MAST4: variants seen among roughly 807,000 people sequenced by gnomAD.
MAST4 encodes the protein microtubule-associated serine/threonine-protein kinase 4.
Under a neutral mutation model 162.7 loss-of-function variants are expected in MAST4, and 89 were observed. The observed-to-expected ratio is 0.55, with a 90% CI of 0.46 to 0.65. The LOEUF (loss-of-function observed/expected upper bound fraction) is 0.65. Ranked by LOEUF, MAST4 falls within the 30% of genes least tolerant of loss-of-function variation. The pLI is 0.00. For missense variants in MAST4, 3,153 were observed against 3,374.0 expected (o/e 0.93, Z 1.62); for synonymous variants, 1,479 against 1,361.1 (o/e 1.09, Z -1.91).
intron 5 of MAST4, among the ~76,000 whole-genome samples, chr5:67,070,703 T>G (rs1428787354): frequency 6.6e-6 from 1 of 152,226 alleles, no homozygotes; most frequent in East Asian, 1.9e-4. Flanking sequence ...TAGGAATGAA[T>G]GCTGTTACCT....
rs59273615 is a variant in MAST4, at chr5:66,907,587, C to CGTGTGT, written c.674+7650_674+7655dup. On this transcript the variant is annotated intron_variant, in intron 4 of 28. Transcript: ENST00000403625. ...ATAATGAAATGGGCATAGGTTGATG[C>CGTGTGT]GTGTGTGTGTGTGTGTGTGTGTGTG... is the stretch of plus-strand genomic sequence containing the variant. 1.3e-3 allele frequency among the ~76,000 whole-genome samples: 186 copies of CGTGTGT among 144,222 alleles called. 1 individual carries two copies. The highest frequency in any genetic ancestry group is 6.4e-3 in the East Asian group (30 of 4,720). 94.6% of individuals were successfully genotyped at this position (144,222 alleles called of 152,430 possible).
intron 2 of MAST4, 63 bp from the exon 3 acceptor site, chr5:66,788,607 C>CAAACAAAAAA: frequency 7.3e-7 from 1 of 1,373,728 alleles, no homozygotes; most frequent in Non-Finnish European, 1.0e-6. Context: ...CCCCCACCCC[C>CAAACAAAAAA]ATTGCAATAA....
chr5:67,047,570 C>A (rs1258035706), intron 4 of MAST4, among the ~76,000 whole-genome samples: 1 of 152,218 alleles, frequency 6.6e-6, no homozygotes, highest in Non-Finnish European at 1.5e-5. Context: ...ATCGCTATCT[C>A]ATGTACCACA....
intron 1 of MAST4, among the ~76,000 whole-genome samples, chr5:66,739,756 C>A (rs1183448214): frequency 6.6e-6 from 1 of 151,830 alleles, no homozygotes; most frequent in Non-Finnish European, 1.5e-5. Context: ...TATGTTTTCC[C>A]ATGGCAAATG....
At chr5:67,078,399 G>A (rs1761938096) in intron 5 of MAST4, among the ~76,000 whole-genome samples, 1 of 149,876 alleles carries the variant, frequency 6.7e-6, no homozygotes. Flanking sequence ...TACAAACTCT[G>A]GGTAGTTTGT....
intron 23 of MAST4, among the ~76,000 whole-genome samples, chr5:67,147,386 T>C (rs1283229692): frequency 6.6e-6 from 1 of 152,184 alleles, no homozygotes; most frequent in Non-Finnish European, 1.5e-5. Flanking sequence ...TTATCTACCA[T>C]TGGCAGAAAA....
chr5:67,160,652 C>T, intron 27 of MAST4, 60 bp downstream of exon 27: 1 of 1,539,374 alleles, frequency 6.5e-7, no homozygotes, highest in Non-Finnish European at 8.8e-7. Flanking sequence ...GAAAAGTTAC[C>T]CCTTAATTAA....
At chr5:66,850,630 A>G (rs1180144503) in intron 3 of MAST4, among the ~76,000 whole-genome samples, 1 of 152,186 alleles carries the variant, frequency 6.6e-6, no homozygotes, top group Non-Finnish European at 1.5e-5. Flanking sequence ...TACCTTCAGG[A>G]TATGTGTATA....
intron 5 of MAST4, 61 bp from the exon 6 acceptor site, chr5:67,090,101 A>T: frequency 2.7e-6 from 3 of 1,123,812 alleles, no homozygotes; most frequent in Non-Finnish European, 4.0e-6. Flanking sequence ...GGAGAGAATT[A>T]TTGATGTGGA....
chr5:67,165,274 T>C lies in MAST4; in HGVS notation c.6095T>C (p.Met2032Thr), dbSNP rs1773738435. 3.1e-6 allele frequency: 5 copies of C among 1,613,114 alleles called. No individual in the cohort carries two copies. The highest frequency in any genetic ancestry group is 1.3e-5 in the African/African-American group (1 of 74,864). Residue 2032 changes from methionine to threonine, a missense_variant, in exon 29 of 29, where the codon ATG becomes ACG. Around this residue, in one of 7 missense-constraint regions of MAST4, gnomAD observed 1,644 missense variants for 1,495.0 expected, o/e 1.10. Coordinates refer to ENST00000403625, the MANE Select transcript of MAST4 (RefSeq NM_001164664.2). The part of the protein sequence containing the change: ...HPDFYTQTQA[M>T]EKAWAPGGKT... ...GATTTCTATACACAGACCCAGGCCA[T>C]GGAGAAAGCATGGGCGCCGGGTGGG...
At chr5:66,704,368 A>G (rs1055304988) in intron 1 of MAST4, among the ~76,000 whole-genome samples, 1 of 152,082 alleles carries the variant, frequency 6.6e-6, no homozygotes, top group African/African-American at 2.4e-5. Flanking sequence ...ACTCCTGTCT[A>G]TGTAACAGGC....
intron 1 of MAST4, among the ~76,000 whole-genome samples, chr5:66,755,110 C>T (rs1210390423): frequency 6.6e-6 from 1 of 152,046 alleles, no homozygotes; most frequent in Non-Finnish European, 1.5e-5. Context: ...AGCACAGAGA[C>T]CTCTTGAGAT....
intron 1 of MAST4, among the ~76,000 whole-genome samples, chr5:66,657,652 G>A (rs72761204): frequency 0.027 from 4,038 of 152,276 alleles, 72 homozygotes; most frequent in Non-Finnish European, 0.042. Flanking sequence ...ACATGCGTGA[G>A]TAATATCAGC....
At chr5:66,986,745 G>T (rs918056829) in intron 4 of MAST4, among the ~76,000 whole-genome samples, 2 of 151,670 alleles carry the variant, frequency 1.3e-5, no homozygotes, top group Admixed American at 1.3e-4. Flanking sequence ...TTCCTGAGTA[G>T]CTGGGACTAC....
intron 4 of MAST4, among the ~76,000 whole-genome samples, chr5:66,972,789 C>G (rs1000942261): frequency 6.6e-6 from 1 of 152,202 alleles, no homozygotes; most frequent in Non-Finnish European, 1.5e-5. Flanking sequence ...TGCTCAGAAC[C>G]TTCCAGTGGA....
At chr5:66,729,633 GT>G (rs1384736385) in intron 1 of MAST4, among the ~76,000 whole-genome samples, 1 of 152,088 alleles carries the variant, frequency 6.6e-6, no homozygotes, top group Non-Finnish European at 1.5e-5. Context: ...TTCTCATTCT[GT>G]CTACCTGACT....
intron 3 of MAST4, among the ~76,000 whole-genome samples, chr5:66,851,081 CTT>C (rs1361629471): frequency 6.6e-6 from 1 of 152,124 alleles, no homozygotes; most frequent in African/African-American, 2.4e-5. Context: ...ATGATAATGT[CTT>C]TTACAATTTC....
rs1014345998 is a variant in MAST4, at chr5:67,165,624, A to G, written c.6445A>G (p.Arg2149Gly). ...CAAAGACCTGTCCAGCCCGGCTGCC[A>G]GGCAGCATTGCAGTTCCCCAAGCCA... ...TAKDLSSPAARQHCSSPSHAS... is the reference protein window; with the variant it reads ...TAKDLSSPAAGQHCSSPSHAS... The change falls in exon 29 of 29, where the codon AGG becomes GGG. Residue 2149 changes from arginine to glycine, a missense_variant. This residue lies in a region of MAST4 where 1,644 missense variants were observed against 1,495.0 expected (regional missense o/e 1.10). Coordinates refer to ENST00000403625, the MANE Select transcript of MAST4 (RefSeq NM_001164664.2). 2.5e-6 allele frequency: 4 copies of G among 1,612,600 alleles called. No homozygotes were observed. The highest frequency in any genetic ancestry group is 3.4e-6 in the Non-Finnish European group (4 of 1,179,454).
intron 4 of MAST4, among the ~76,000 whole-genome samples, chr5:67,017,963 A>C (rs913342458): frequency 2.0e-5 from 3 of 152,182 alleles, no homozygotes; most frequent in African/African-American, 7.2e-5. Flanking sequence ...ATATATGATT[A>C]GAATAAGACA....
Sources: allele counts gnomAD v4.1 joint callset (sites outside exome capture counted in the v4.1 genomes callset), GRCh38; gene constraint gnomAD v4.1.1; regional missense constraint gnomAD v4.1.1; transcripts MANE v1.5; gene names NCBI Gene and HGNC (gene_info 2026-07-23, HGNC 2026-07-21).